LYN: variants seen among roughly 807,000 people sequenced by gnomAD.
The protein encoded by LYN is LYN proto-oncogene, Src family tyrosine kinase.
A neutral mutation model predicts 65.0 loss-of-function variants in LYN; 12 were observed. The ratio of observed to expected loss-of-function variants is 0.18; its 90% CI spans 0.12 to 0.30. The LOEUF (loss-of-function observed/expected upper bound fraction) is 0.30, where lower values mean the gene tolerates loss of function less well. Among genes scored for constraint, LYN ranks in the 10% least tolerant of loss-of-function variants. LYN has a pLI of 1.00. For synonymous variants in LYN, 222 were observed against 221.2 expected (o/e 1.00, Z -0.03); for missense variants, 380 against 623.2 (o/e 0.61, Z 4.16).
At chr8:55,905,415 A>AAAGAAAG (rs1388569854) in intron 1 of LYN, among the ~76,000 whole-genome samples, 1 of 4,244 alleles carries the variant, frequency 2.4e-4, no homozygotes, top group African/African-American at 4.5e-4. Context: ...GTCTCAAAAA[A>AAAGAAAG]AAAGAAAGAA....
intron 10 of LYN, among the ~76,000 whole-genome samples, chr8:55,996,204 C>A (rs1297440192): frequency 6.6e-6 from 1 of 152,148 alleles, no homozygotes; most frequent in Non-Finnish European, 1.5e-5. Context: ...TTTTTGTACA[C>A]ATTGACCATC....
intron 10 of LYN, among the ~76,000 whole-genome samples, chr8:55,991,719 C>G (rs1563326583): frequency 6.6e-6 from 1 of 152,138 alleles, no homozygotes; most frequent in Non-Finnish European, 1.5e-5. Context: ...GAAACAATCA[C>G]CTTGCTCCAC....
intron 1 of LYN, chr8:55,940,296 G>T (rs1806570266): frequency 6.6e-6 from 1 of 152,232 alleles, no homozygotes; most frequent in South Asian, 2.1e-4. Flanking sequence ...CCCCAGAAGA[G>T]TTTCCCGGAC....
intron 10 of LYN, among the ~76,000 whole-genome samples, chr8:55,970,794 G>A (rs1807589255): frequency 6.6e-6 from 1 of 152,198 alleles, no homozygotes. Flanking sequence ...ACTGGAGTTT[G>A]TGTTCTGGCT....
intron 1 of LYN, among the ~76,000 whole-genome samples, chr8:55,921,584 C>A (rs937129321): frequency 6.6e-6 from 1 of 152,068 alleles, no homozygotes; most frequent in Non-Finnish European, 1.5e-5. Context: ...TTTTGAGTTA[C>A]GTTTGGAAGA....
chr8:55,937,665 A>G (rs1806474699), intron 1 of LYN, among the ~76,000 whole-genome samples: 1 of 152,106 alleles, frequency 6.6e-6, no homozygotes, highest in African/African-American at 2.4e-5. Context: ...CCAAAACCCT[A>G]CTGCCTCTGG....
chr8:55,997,102 C>G (rs1808392620), intron 10 of LYN, among the ~76,000 whole-genome samples: 1 of 149,196 alleles, frequency 6.7e-6, no homozygotes, highest in Admixed American at 6.7e-5. Context: ...CGGGAGGTTG[C>G]AGTGAGCTGA....
At chr8:55,991,599 C>T (rs998431589) in intron 10 of LYN, among the ~76,000 whole-genome samples, 4 of 152,058 alleles carry the variant, frequency 2.6e-5, no homozygotes, top group Non-Finnish European at 4.4e-5. Context: ...CCAGAACCCC[C>T]CACCCCCAGG....
intron 10 of LYN, among the ~76,000 whole-genome samples, chr8:55,987,645 G>C (rs1306147398): frequency 6.6e-6 from 1 of 152,042 alleles, no homozygotes. Flanking sequence ...CGAACTCCTA[G>C]CCTCAAGTGA....
rs750161285 is a variant in LYN, at chr8:55,969,204, C to G, written c.974-513C>G. ...GGGAGGATTGCTTGAGCTTGGGAGG[C>G]TGATGCTGCAGTGAGATGTAATCAT... On this transcript the variant is annotated intron_variant, in intron 9 of 12. Coordinates refer to ENST00000519728, the MANE Select transcript of LYN (RefSeq NM_002350.4). Among the ~76,000 whole-genome samples, 32 of 152,332 alleles carry G rather than the reference C, an allele frequency of 2.1e-4. No individual in the cohort carries two copies. In the Middle Eastern group the frequency reaches 0.041, roughly 194 times the overall value.
chr8:55,995,777 C>G (rs755660385), intron 10 of LYN, among the ~76,000 whole-genome samples: 10 of 152,090 alleles, frequency 6.6e-5, no homozygotes, highest in African/African-American at 2.4e-4. Flanking sequence ...AGGGCTGAGC[C>G]GGGGCCGGGT....
intron 1 of LYN, among the ~76,000 whole-genome samples, chr8:55,894,773 G>A (rs1805046490): frequency 6.6e-6 from 1 of 152,144 alleles, no homozygotes. Flanking sequence ...GATCTCAGGT[G>A]ATCCACCCGC....
At chr8:55,990,837 C>T (rs78891183) in intron 10 of LYN, among the ~76,000 whole-genome samples, 2,001 of 152,266 alleles carry the variant, frequency 0.013, 20 homozygotes, top group Non-Finnish European at 0.023. Flanking sequence ...AGGGGAGGGT[C>T]TACCCAGTTG....
chr8:55,934,107 T>TC (rs1806350287), intron 1 of LYN, among the ~76,000 whole-genome samples: 1 of 152,056 alleles, frequency 6.6e-6, no homozygotes, highest in Admixed American at 6.6e-5. Context: ...GCGCCTGTAG[T>TC]CCCAGCTACT....
intron 1 of LYN, among the ~76,000 whole-genome samples, chr8:55,888,136 T>G (rs1054976714): frequency 6.6e-6 from 1 of 152,194 alleles, no homozygotes; most frequent in Non-Finnish European, 1.5e-5. Flanking sequence ...TAGTATTCAG[T>G]TTAGCAAACT....
At chr8:56,003,344 A>G (rs1350931186) in intron 12 of LYN, among the ~76,000 whole-genome samples, 1 of 152,080 alleles carries the variant, frequency 6.6e-6, no homozygotes, top group Non-Finnish European at 1.5e-5. Context: ...TACAGGCACG[A>G]GCCACCTCAC....
At chr8:55,893,523 T>G (rs529629738) in intron 1 of LYN, 2 of 152,368 alleles carry the variant, frequency 1.3e-5, no homozygotes, top group East Asian at 3.9e-4. Context: ...CAACTTCTGT[T>G]TCATGTAGTT....
At chr8:55,959,939 A>T (rs1807226957) in intron 8 of LYN, among the ~76,000 whole-genome samples, 1 of 152,228 alleles carries the variant, frequency 6.6e-6, no homozygotes, top group Non-Finnish European at 1.5e-5. Flanking sequence ...ATACTGTTCC[A>T]TTTATATGAA....
chr8:55,965,137 G>C (rs528905618), intron 8 of LYN, among the ~76,000 whole-genome samples: 50 of 152,270 alleles, frequency 3.3e-4, no homozygotes, highest in African/African-American at 1.2e-3. Context: ...CTGAGAAAAG[G>C]CTTTCCCAAG....
Sources: allele counts gnomAD v4.1 joint callset (sites outside exome capture counted in the v4.1 genomes callset), GRCh38; gene constraint gnomAD v4.1.1; transcripts MANE v1.5; gene names NCBI Gene and HGNC (gene_info 2026-07-23, HGNC 2026-07-21).